The following PMS2 variants were observed in gnomAD, a reference collection of about 807,000 sequenced individuals.
PMS2 encodes mismatch repair endonuclease PMS2.
Under a neutral mutation model 90.0 loss-of-function variants are expected in PMS2, and 69 were observed. That is an observed-to-expected ratio of 0.77 (90% confidence interval 0.63 to 0.94). The LOEUF is 0.94. Ranked by LOEUF, PMS2 falls within the 40% of genes least tolerant of loss-of-function variation. The pLI is 0.00. For missense variants in PMS2, 966 were observed against 1,040.2 expected, an observed-to-expected ratio of 0.93 and a Z score of 0.98; for synonymous variants, 332 against 375.1, an observed-to-expected ratio of 0.89 and a Z score of 1.33.
intron 1 of PMS2, among the ~76,000 whole-genome samples, chr7:6,008,137 G>A (rs1323115618): frequency 6.6e-6 from 1 of 152,124 alleles, no homozygotes; most frequent in African/African-American, 2.4e-5. Context: ...GATTATAGGC[G>A]TGAGTCACCG....
intron 10 of PMS2, among the ~76,000 whole-genome samples, chr7:5,989,382 G>A (rs1026373570): frequency 6.6e-6 from 1 of 152,054 alleles, no homozygotes; most frequent in Admixed American, 6.6e-5. Flanking sequence ...GCAGTGAGCT[G>A]AGATCGCATC....
chr7:6,003,966 A>G lies in PMS2; in HGVS notation c.250+6T>C. 6.4e-7 allele frequency: 1 copy of G among 1,569,066 alleles called. No individual in the cohort carries two copies. The highest frequency in any genetic ancestry group is 1.1e-5 in the South Asian group (1 of 90,056). ...TTTATAATAGGATTAGAAAAAGTCA[A>G]CTTACTTAAGCCTTCGAAGTTTTCT... is the stretch of plus-strand genomic sequence containing the variant. On this transcript the variant is annotated splice_donor_region_variant and intron_variant, in intron 3 of 14. Transcript: ENST00000265849.
At chr7:5,981,042 G>A (rs1004276999) in intron 12 of PMS2, among the ~76,000 whole-genome samples, 1 of 151,498 alleles carries the variant, frequency 6.6e-6, no homozygotes, top group Non-Finnish European at 1.5e-5. Flanking sequence ...TTCACTACGT[G>A]GTTTAATTTC....
At chr7:6,007,079 G>C (rs575886732) in intron 1 of PMS2, among the ~76,000 whole-genome samples, 2 of 141,868 alleles carry the variant, frequency 1.4e-5, no homozygotes, top group Non-Finnish European at 3.0e-5. Context: ...CCTTCATCAA[G>C]TCCCCTACAT....
In PMS2 at chr7:5,987,265, G is replaced by C. The variant is rs116094787; in HGVS notation, c.1500C>G (p.Ser500=). 6.2e-7 allele frequency: 1 copy of C among 1,614,060 alleles called. No individual in the cohort carries two copies. The highest frequency in any genetic ancestry group is 8.5e-7 in the Non-Finnish European group (1 of 1,180,010). Residue 500 remains serine, a synonymous_variant, in exon 11 of 15, where the codon TCC becomes TCG. Coordinates refer to ENST00000265849, the MANE Select transcript of PMS2 (RefSeq NM_000535.7). ...VEKDSGHGST[S]VDSEGFSIPD... ...GGATGCTGAACCCCTCAGAATCCACGGAAGTGCTGCCGTGCCCCGAGTCCT... is the reference window on the plus strand; with the variant it reads ...GGATGCTGAACCCCTCAGAATCCACCGAAGTGCTGCCGTGCCCCGAGTCCT...
chr7:5,998,106 G>T (rs1448627845), intron 6 of PMS2, among the ~76,000 whole-genome samples: 2 of 148,104 alleles, frequency 1.4e-5, no homozygotes, highest in Non-Finnish European at 1.5e-5. Context: ...TCCTGGGATG[G>T]TGTCTTGCTC....
At chr7:5,982,754 C>G in intron 12 of PMS2, 70 bp downstream of exon 12, 2 of 1,609,838 alleles carry the variant, frequency 1.2e-6, no homozygotes, top group Non-Finnish European at 1.7e-6. Flanking sequence ...TCTTGTGATC[C>G]TCCTGCCTTG....
chr7:5,994,335 C>T lies in PMS2; in HGVS notation c.903+1199G>A, dbSNP rs1462773679. 1.3e-5 allele frequency among the ~76,000 whole-genome samples: 2 copies of T among 151,196 alleles called. 1 individual carries two copies. The highest frequency in any genetic ancestry group is 2.9e-5 in the Non-Finnish European group (2 of 67,898). On this transcript the variant is annotated intron_variant, in intron 8 of 14. Coordinates refer to ENST00000265849, the MANE Select transcript of PMS2 (RefSeq NM_000535.7). ...GGTGGAGGTTGCAGTGAGCCAAAAT[C>T]GCACCATTGCACTCCAGACTGGCCA...
At chr7:5,999,656 C>T (rs1002136905) in intron 5 of PMS2, among the ~76,000 whole-genome samples, 3 of 151,820 alleles carry the variant, frequency 2.0e-5, no homozygotes, top group South Asian at 2.1e-4. Flanking sequence ...ATTAGCCGGG[C>T]GTCATGGCAT....
intron 10 of PMS2, among the ~76,000 whole-genome samples, chr7:5,988,372 G>A (rs923665401): frequency 2.6e-5 from 4 of 152,040 alleles, no homozygotes; most frequent in South Asian, 2.1e-4. Flanking sequence ...GACCAACATG[G>A]TGAAACCTCA....
At chr7:5,992,152 C>A in intron 8 of PMS2, 95 bp from the exon 9 acceptor site, 1 of 706,368 alleles carries the variant, frequency 1.4e-6, no homozygotes, top group Non-Finnish European at 2.5e-6. Flanking sequence ...CCAGCATGTT[C>A]TTAGAAGGGG....
intron 13 of PMS2, among the ~76,000 whole-genome samples, chr7:5,978,013 G>A (rs879524624): frequency 2.7e-4 from 41 of 150,052 alleles, no homozygotes; most frequent in Non-Finnish European, 4.6e-4. Flanking sequence ...CCAGCTACTC[G>A]GGAGGCTGAG....
chr7:5,995,771 G>A (rs1784331975), intron 7 of PMS2, 138 bp from the exon 8 acceptor site: 10 of 703,082 alleles, frequency 1.4e-5, no homozygotes, highest in Admixed American at 4.4e-5. Flanking sequence ...TGCAGTTCAC[G>A]GGTATCTGTG....
chr7:5,998,851 C>T (rs901757802), intron 6 of PMS2, among the ~76,000 whole-genome samples: 8 of 151,772 alleles, frequency 5.3e-5, no homozygotes, highest in African/African-American at 1.5e-4. Context: ...ATTAGCCTGG[C>T]GTAGTGGAGC....
At chr7:5,997,468 CAG>C (rs779261860) in intron 6 of PMS2, 45 bp from the exon 7 acceptor site, 5 of 1,055,006 alleles carry the variant, frequency 4.7e-6, no homozygotes, top group South Asian at 4.0e-5. Context: ...CTAATAAAGA[CAG>C]AGTGGACTTA....
Position 5,989,960 on chromosome 7 carries a change from G to C in PMS2, c.989-5C>G, listed in dbSNP as rs1401221727. 6.4e-7 allele frequency: 1 copy of C among 1,567,056 alleles called. No homozygotes were observed. ...TAACATTGATATCAACGCATTCTAA[G>C]GCAAAAAAGAAAACATATTTATTAT... On this transcript the variant is annotated splice_polypyrimidine_tract_variant and splice_region_variant and intron_variant, in intron 9 of 14. Transcript: ENST00000265849.
chr7:5,978,118 C>T (rs193218059), intron 13 of PMS2, among the ~76,000 whole-genome samples: 2,985 of 148,316 alleles, frequency 0.02, 24 homozygotes, highest in South Asian at 0.03. Context: ...AAGACTCCAT[C>T]TCAGAAAAAA....
intron 8 of PMS2, among the ~76,000 whole-genome samples, chr7:5,994,652 T>C (rs1332975995): frequency 6.6e-6 from 1 of 151,684 alleles, no homozygotes; most frequent in Non-Finnish European, 1.5e-5. Flanking sequence ...GGCAGGCACC[T>C]GTAGTCCCAG....
chr7:6,004,552 C>T (rs566423814), intron 2 of PMS2, among the ~76,000 whole-genome samples: 26 of 152,174 alleles, frequency 1.7e-4, no homozygotes, highest in Non-Finnish European at 3.2e-4. Flanking sequence ...CCTGTCTCTA[C>T]TAAAAATACA....
Sources: allele counts gnomAD v4.1 joint callset (sites outside exome capture counted in the v4.1 genomes callset), GRCh38; gene constraint gnomAD v4.1.1; transcripts MANE v1.5; gene names NCBI Gene and HGNC (gene_info 2026-07-23, HGNC 2026-07-21).